The following ABCA5 variants were observed in gnomAD, a reference collection of about 807,000 sequenced individuals.
ABCA5 encodes the protein cholesterol transporter ABCA5.
ABCA5 carries 163 observed loss-of-function variants against 206.0 expected under a neutral mutation model. The ratio of observed to expected loss-of-function variants is 0.79; its 90% CI spans 0.70 to 0.90. The LOEUF (loss-of-function observed/expected upper bound fraction) is 0.90, where lower values mean the gene tolerates loss of function less well. Ranked by LOEUF, ABCA5 falls within the 40% of genes least tolerant of loss-of-function variation. The pLI is 0.00. For missense variants in ABCA5, 1,859 were observed against 1,912.9 expected (o/e 0.97, Z 0.53); for synonymous variants, 609 against 613.8 (o/e 0.99, Z 0.11).
At chr17:69,303,757 T>C (rs1310480589) in intron 7 of ABCA5, among the ~76,000 whole-genome samples, 1 of 10,246 alleles carries the variant, frequency 9.8e-5, no homozygotes, top group Non-Finnish European at 3.0e-4. Context: ...AGACCTCGAC[T>C]CTAAAAAAAA....
chr17:69,270,836 G>T, intron 21 of ABCA5, 86 bp from the exon 22 acceptor site: 1 of 1,255,530 alleles, frequency 8.0e-7, no homozygotes, highest in Middle Eastern at 2.0e-4. Context: ...CACCAACAAA[G>T]CTAATTCTCA....
Position 69,326,872 on chromosome 17 carries a change from C to G in ABCA5, c.-16+180G>C, listed in dbSNP as rs1598216771. ...CGGGAGCTGAGGGAGGTCTGTTTCC[C>G]TCAGCTCGCCGCCTCTGCCCGCTTC... On this transcript the variant is annotated intron_variant, in intron 1 of 38. Coordinates refer to ENST00000392676, the MANE Select transcript of ABCA5 (RefSeq NM_172232.4). This position sits in a 1 kb window ranked among gnomAD's most constrained non-coding sequence, Gnocchi z 4.8. Among the ~76,000 whole-genome samples, 1 of 152,050 alleles carries G rather than the reference C, an allele frequency of 6.6e-6. No homozygotes were observed.
intron 17 of ABCA5, among the ~76,000 whole-genome samples, chr17:69,284,431 CTA>C (rs2075429353): frequency 6.6e-6 from 1 of 151,768 alleles, no homozygotes; most frequent in Non-Finnish European, 1.5e-5. Context: ...CATATTATAT[CTA>C]TATCATATTA....
chr17:69,255,085 TTTTCCAGGAAAGCAATGAGTTAGTG>T (rs1441372556), intron 31 of ABCA5, among the ~76,000 whole-genome samples: 7 of 152,232 alleles, frequency 4.6e-5, no homozygotes, highest in Non-Finnish European at 1.0e-4. Context: ...ATGCCTGGCA[TTTTCCAGGAAAGCAATGAGTTAGTG>T]TGGCTGGCAT....
At chr17:69,306,023 A>G (rs1011642876) in intron 6 of ABCA5, among the ~76,000 whole-genome samples, 1 of 150,016 alleles carries the variant, frequency 6.7e-6, no homozygotes, top group African/African-American at 2.5e-5. Flanking sequence ...AAAACAGACT[A>G]TAACAGCTCA....
At position 69,271,283 on chromosome 17, in the gene ABCA5, T is replaced by A. The variant is rs1207536509; in HGVS notation, c.2771A>T (p.Asp924Val). The change falls in exon 21 of 39, where the codon GAT (aspartate) becomes GTT (valine). Residue 924 changes from aspartate to valine, a missense_variant. Physicochemically the swap from Asp to Val is radical, Grantham distance 152. Transcript: ENST00000392676. ...GAAAAAGCTAATAAGATCACTGATA[T>A]CTGAGTCTGGTGTTAGAAAATAAGC... ...SLLLQNSADS[D>V]ISDLISFFTS... 7 of 1,610,152 alleles carry A rather than the reference T, an allele frequency of 4.3e-6. No homozygotes were observed. The South Asian group carries it at 4.4e-5, about 10-fold the overall frequency.
At chr17:69,276,862 G>A (rs779616497) in intron 19 of ABCA5, among the ~76,000 whole-genome samples, 1 of 152,018 alleles carries the variant, frequency 6.6e-6, no homozygotes, top group African/African-American at 2.4e-5. Context: ...CAGTAATGCC[G>A]ACCAGGGAAT....
intron 1 of ABCA5, among the ~76,000 whole-genome samples, chr17:69,315,782 C>CAAAA (rs60830676): frequency 7.5e-6 from 1 of 132,534 alleles, no homozygotes; most frequent in South Asian, 2.4e-4. Context: ...GGATCCGCCT[C>CAAAA]AAAAAAAAAA....
chr17:69,277,135 A>G (rs1333660093), intron 19 of ABCA5, among the ~76,000 whole-genome samples: 2 of 152,328 alleles, frequency 1.3e-5, no homozygotes, highest in African/African-American at 2.4e-5. Flanking sequence ...TTGATCCCAG[A>G]TCTACTAGCT....
intron 11 of ABCA5, among the ~76,000 whole-genome samples, chr17:69,294,126 TTGAG>T (rs774016911): frequency 3.3e-5 from 5 of 152,132 alleles, no homozygotes; most frequent in Admixed American, 6.5e-5. Context: ...ATTCAAATAA[TTGAG>T]TATTTTTCAT....
chr17:69,274,483 C>T (rs1272736269), intron 19 of ABCA5, among the ~76,000 whole-genome samples: 1 of 151,830 alleles, frequency 6.6e-6, no homozygotes, highest in Non-Finnish European at 1.5e-5. Context: ...CTCAGCCTCC[C>T]AAAGTGCTGG....
chr17:69,252,015 GA>G (rs2075019267), intron 34 of ABCA5, 149 bp from the exon 35 acceptor site: 4 of 432,512 alleles, frequency 9.2e-6, no homozygotes, highest in Non-Finnish European at 1.5e-5. Flanking sequence ...GCCCAACTAT[GA>G]TTTTTTTTTT....
chr17:69,253,513 A>G, intron 34 of ABCA5, 60 bp downstream of exon 34: 2 of 1,142,614 alleles, frequency 1.8e-6, no homozygotes, highest in Non-Finnish European at 2.6e-6. Context: ...AAACTATTAT[A>G]ATAAAAGAAA....
intron 1 of ABCA5, among the ~76,000 whole-genome samples, chr17:69,319,980 A>T (rs1464465721): frequency 2.0e-5 from 3 of 152,170 alleles, no homozygotes; most frequent in Non-Finnish European, 4.4e-5. Context: ...AAGTTATTTA[A>T]TGTTTTTGCG....
intron 1 of ABCA5, among the ~76,000 whole-genome samples, chr17:69,320,016 C>A (rs1180097930): frequency 1.3e-5 from 2 of 152,052 alleles, no homozygotes; most frequent in Non-Finnish European, 2.9e-5. Flanking sequence ...CTGTAAAATA[C>A]AACAATAGTA....
intron 4 of ABCA5, among the ~76,000 whole-genome samples, 179 bp downstream of exon 4, chr17:69,309,083 A>G (rs533644634): frequency 1.3e-5 from 2 of 152,152 alleles, no homozygotes; most frequent in African/African-American, 4.8e-5. Context: ...TTTTATGTGT[A>G]GAAGTAGATA....
chr17:69,305,572 T>TA (rs2145022465), intron 6 of ABCA5, among the ~76,000 whole-genome samples: 1 of 152,232 alleles, frequency 6.6e-6, no homozygotes, highest in Admixed American at 6.5e-5. Flanking sequence ...CAATAAATTT[T>TA]AAAAACCAAT....
intron 20 of ABCA5, among the ~76,000 whole-genome samples, chr17:69,273,322 G>A (rs957257895): frequency 6.6e-6 from 1 of 151,450 alleles, no homozygotes; most frequent in African/African-American, 2.4e-5. Flanking sequence ...TTGTAAAGAG[G>A]GTTTTTCAAC....
chr17:69,290,745 G>C (rs11656389), intron 12 of ABCA5, among the ~76,000 whole-genome samples: 59,075 of 151,890 alleles, frequency 0.39, 12,488 homozygotes, highest in Middle Eastern at 0.52. Context: ...CTACTATAAT[G>C]AATTCTCACC....
Sources: gnomAD v4.1 joint callset for allele counts (sites outside exome capture counted in the v4.1 genomes callset) on GRCh38, gnomAD v4.1.1 for gene constraint, Gnocchi (gnomAD v3.1) non-coding constraint, MANE v1.5 for transcripts, NCBI Gene and HGNC (gene_info 2026-07-23, HGNC 2026-07-21) for gene names.